MGAT5: variants seen among roughly 807,000 people sequenced by gnomAD.
The protein encoded by MGAT5 is alpha-1,6-mannosylglycoprotein 6-beta-N-acetylglucosaminyltransferase, also known as alpha-1,6-mannosylglycoprotein 6-beta-N-acetylglucosaminyltransferase A.
Under a neutral mutation model 94.3 loss-of-function variants are expected in MGAT5, and 30 were observed. The ratio of observed to expected loss-of-function variants is 0.32; its 90% confidence interval spans 0.24 to 0.43. The LOEUF (loss-of-function observed/expected upper bound fraction) is 0.43. Among genes scored for constraint, MGAT5 ranks in the 20% least tolerant of loss-of-function variants. MGAT5 has a pLI of 1.00. For synonymous variants in MGAT5, 310 were observed against 322.9 expected (o/e 0.96, Z 0.43); for missense variants, 691 against 905.5 (o/e 0.76, Z 3.04).
At chr2:134,430,858 A>G (rs1028223178) in intron 14 of MGAT5, among the ~76,000 whole-genome samples, 1 of 152,170 alleles carries the variant, frequency 6.6e-6, no homozygotes, top group Non-Finnish European at 1.5e-5. Flanking sequence ...AGTAGCTGCA[A>G]GTTTCATGGA....
chr2:134,359,143 A>G (rs1679928744), intron 9 of MGAT5, among the ~76,000 whole-genome samples: 1 of 152,246 alleles, frequency 6.6e-6, no homozygotes, highest in Non-Finnish European at 1.5e-5. Context: ...GTGTGGTCCC[A>G]CATACATATG....
chr2:134,239,282 G>C (rs1371861473), intron 1 of MGAT5, among the ~76,000 whole-genome samples: 1 of 152,206 alleles, frequency 6.6e-6, no homozygotes, highest in East Asian at 1.9e-4. Flanking sequence ...ACAGGCGTGA[G>C]CCACCACGCC....
chr2:134,398,692 C>A (rs577492013), intron 10 of MGAT5, among the ~76,000 whole-genome samples: 1 of 151,962 alleles, frequency 6.6e-6, no homozygotes, highest in Non-Finnish European at 1.5e-5. Context: ...TGTCCATCAG[C>A]GGATGAATGG....
intron 1 of MGAT5, among the ~76,000 whole-genome samples, chr2:134,187,362 A>G (rs980591251): frequency 7.9e-5 from 12 of 152,146 alleles, no homozygotes; most frequent in African/African-American, 2.9e-4. Context: ...AGTGATAGTG[A>G]CATGGACTCA....
At chr2:134,161,011 C>T (rs1182628714) in intron 1 of MGAT5, among the ~76,000 whole-genome samples, 1 of 152,214 alleles carries the variant, frequency 6.6e-6, no homozygotes, top group East Asian at 1.9e-4. Context: ...GTGAGCCCCG[C>T]GGCAGGCTCT....
At chr2:134,366,737 A>G (rs1401774031) in intron 10 of MGAT5, among the ~76,000 whole-genome samples, 3 of 152,232 alleles carry the variant, frequency 2.0e-5, no homozygotes, top group Non-Finnish European at 2.9e-5. Flanking sequence ...TCCAGGTGAT[A>G]CCGGTGGGCT....
chr2:134,278,262 T>A (rs1684498480), intron 2 of MGAT5, among the ~76,000 whole-genome samples: 1 of 152,238 alleles, frequency 6.6e-6, no homozygotes, highest in South Asian at 2.1e-4. Flanking sequence ...TAATATGTTC[T>A]GTCTTTTATT....
At chr2:134,176,474 G>A (rs1688469539) in intron 1 of MGAT5, among the ~76,000 whole-genome samples, 1 of 150,556 alleles carries the variant, frequency 6.6e-6, no homozygotes, top group Admixed American at 6.6e-5. Flanking sequence ...CAGGGAGGCT[G>A]AGGCAGGAGA....
intron 1 of MGAT5, among the ~76,000 whole-genome samples, chr2:134,182,494 T>G (rs1688780471): frequency 6.6e-6 from 1 of 152,202 alleles, no homozygotes; most frequent in Non-Finnish European, 1.5e-5. Flanking sequence ...ATCCTCAGTA[T>G]TTTAAGACTT....
At chr2:134,231,617 A>T (rs1333433779) in intron 1 of MGAT5, among the ~76,000 whole-genome samples, 2 of 152,186 alleles carry the variant, frequency 1.3e-5, no homozygotes, top group East Asian at 3.8e-4. Flanking sequence ...TAGTTGCTTG[A>T]TTTATTGATG....
chr2:134,314,156 G>A (rs1686863641), intron 2 of MGAT5, among the ~76,000 whole-genome samples: 2 of 152,206 alleles, frequency 1.3e-5, no homozygotes, highest in African/African-American at 4.8e-5. Context: ...CCCATGCTGG[G>A]AAGGCTGGGA....
intron 1 of MGAT5, among the ~76,000 whole-genome samples, chr2:134,134,511 G>A (rs1021702266): frequency 1.3e-5 from 2 of 152,214 alleles, no homozygotes; most frequent in African/African-American, 4.8e-5. Flanking sequence ...AGAACTCTGA[G>A]TAAGGGGATT....
At chr2:134,335,121 A>G (rs992537217) in intron 4 of MGAT5, among the ~76,000 whole-genome samples, 2 of 152,126 alleles carry the variant, frequency 1.3e-5, no homozygotes, top group African/African-American at 4.8e-5. Flanking sequence ...AGTAACTTCC[A>G]GATTAAGTAA....
chr2:134,265,916 T>C (rs1683682773), intron 1 of MGAT5, among the ~76,000 whole-genome samples: 1 of 152,120 alleles, frequency 6.6e-6, no homozygotes, highest in South Asian at 2.1e-4. Flanking sequence ...ATGCCTGTAA[T>C]CCGAGCATTT....
chr2:134,422,004 CAAA>C (rs34234717), intron 12 of MGAT5, among the ~76,000 whole-genome samples: 9 of 128,570 alleles, frequency 7.0e-5, no homozygotes, highest in East Asian at 4.3e-4. Flanking sequence ...CGTGTGTATA[CAAA>C]AAAAAAAAAA....
intron 1 of MGAT5, among the ~76,000 whole-genome samples, chr2:134,130,224 A>ACCGCCCCACC (rs1686073739): frequency 9.2e-6 from 1 of 108,664 alleles, no homozygotes; most frequent in Non-Finnish European, 1.9e-5. Flanking sequence ...ACCGCCCCAC[A>ACCGCCCCACC]CCGCCCCACA....
intron 1 of MGAT5, among the ~76,000 whole-genome samples, chr2:134,181,684 C>G (rs1688740884): frequency 6.6e-6 from 1 of 152,090 alleles, no homozygotes; most frequent in Admixed American, 6.5e-5. Flanking sequence ...TAGATAAACA[C>G]ATATATATTT....
At chr2:134,161,434 C>T (rs1687728064) in intron 1 of MGAT5, among the ~76,000 whole-genome samples, 1 of 152,200 alleles carries the variant, frequency 6.6e-6, no homozygotes, top group African/African-American at 2.4e-5. Flanking sequence ...ACTCATTCAA[C>T]TTCTGAATGC....
chr2:134,358,537 A>G (rs942563460), intron 9 of MGAT5, among the ~76,000 whole-genome samples: 1 of 152,184 alleles, frequency 6.6e-6, no homozygotes, highest in Non-Finnish European at 1.5e-5. Flanking sequence ...GATTTTTGAG[A>G]AACTAATATC....
Sources: allele counts gnomAD v4.1 joint callset (sites outside exome capture counted in the v4.1 genomes callset), GRCh38; gene constraint gnomAD v4.1.1; transcripts MANE v1.5; gene names NCBI Gene and HGNC (gene_info 2026-07-23, HGNC 2026-07-21).